KCNH5: variants seen among roughly 807,000 people sequenced by gnomAD.
The protein encoded by KCNH5 is voltage-gated delayed rectifier potassium channel KCNH5.
A neutral mutation model predicts 96.1 loss-of-function variants in KCNH5; 46 were observed. That is an observed-to-expected ratio of 0.48 (90% CI 0.38 to 0.61). The LOEUF is 0.61. KCNH5 is among the 20% of genes least tolerant of loss of function. The pLI is 0.00. For synonymous variants in KCNH5, 439 were observed against 449.8 expected, an observed-to-expected ratio of 0.98 and a Z score of 0.30; for missense variants, 907 against 1,225.8, an observed-to-expected ratio of 0.74 and a Z score of 3.88.
intron 7 of KCNH5, among the ~76,000 whole-genome samples, chr14:62,934,787 A>G (rs534801345): frequency 9.8e-5 from 15 of 152,308 alleles, no homozygotes; most frequent in South Asian, 8.3e-4. Context: ...CCCTCGAGAT[A>G]GCAAATGGTT....
At chr14:62,818,118 G>A (rs953700698) in intron 8 of KCNH5, among the ~76,000 whole-genome samples, 1 of 108,038 alleles carries the variant, frequency 9.3e-6, no homozygotes, top group Non-Finnish European at 1.9e-5. Context: ...GCGGGGGGGG[G>A]GTGGAAGAAA....
chr14:62,881,173 T>A (rs1256166711), intron 7 of KCNH5, among the ~76,000 whole-genome samples: 1 of 152,204 alleles, frequency 6.6e-6, no homozygotes, highest in East Asian at 1.9e-4. Context: ...TTACAGGTAG[T>A]CAATGATACC....
chr14:62,961,998 T>C (rs1453967707), intron 6 of KCNH5, among the ~76,000 whole-genome samples: 1 of 149,792 alleles, frequency 6.7e-6, no homozygotes, highest in African/African-American at 2.5e-5. Flanking sequence ...CAGATGCAGA[T>C]GGAGATGCAG....
chr14:62,854,020 AAAAAAAAC>A (rs1887880669), intron 7 of KCNH5, among the ~76,000 whole-genome samples: 6 of 109,262 alleles, frequency 5.5e-5, no homozygotes, highest in Admixed American at 9.8e-5. Context: ...AAAAAAAAAC[AAAAAAAAC>A]AAAAAAAACA....
chr14:62,896,165 G>A (rs1408949033), intron 7 of KCNH5, among the ~76,000 whole-genome samples: 2 of 152,158 alleles, frequency 1.3e-5, no homozygotes, highest in African/African-American at 4.8e-5. Flanking sequence ...AAAAGGAAAA[G>A]AGCAGCAGCA....
chr14:62,890,539 C>A (rs1374624697), intron 7 of KCNH5, among the ~76,000 whole-genome samples: 2 of 147,542 alleles, frequency 1.4e-5, no homozygotes, highest in Non-Finnish European at 1.5e-5. Context: ...ACTAAAAATA[C>A]AAAAAAAAAA....
intron 7 of KCNH5, among the ~76,000 whole-genome samples, chr14:62,915,779 CA>C (rs1343701503): frequency 6.6e-6 from 1 of 152,090 alleles, no homozygotes; most frequent in Non-Finnish European, 1.5e-5. Flanking sequence ...GCAGTACTAT[CA>C]AAGTATTGCA....
intron 7 of KCNH5, among the ~76,000 whole-genome samples, chr14:62,934,136 C>T (rs866696734): frequency 1.4e-5 from 2 of 141,446 alleles, no homozygotes; most frequent in South Asian, 2.2e-4. Context: ...TTCTTTCTTT[C>T]TTTTTTTTTT....
intron 7 of KCNH5, among the ~76,000 whole-genome samples, chr14:62,945,608 T>C (rs1017754621): frequency 1.3e-5 from 2 of 152,092 alleles, no homozygotes; most frequent in Non-Finnish European, 2.9e-5. Flanking sequence ...TACACGTGGG[T>C]TCGGATCGTG....
At chr14:62,878,358 T>TA (rs904458540) in intron 7 of KCNH5, among the ~76,000 whole-genome samples, 15 of 151,086 alleles carry the variant, frequency 9.9e-5, no homozygotes, top group East Asian at 3.9e-4. Context: ...AATAATAAAA[T>TA]AAAAAAAGAA....
At position 62,934,193 on chromosome 14, in the gene KCNH5, A is replaced by G. The variant is rs529837667; in HGVS notation, c.1369+15940T>C. 7.3e-5 allele frequency among the ~76,000 whole-genome samples: 11 copies of G among 150,010 alleles called. 1 individual carries two copies. In the East Asian group the frequency reaches 2.2e-3, roughly 29 times the overall value. On this transcript the variant is annotated intron_variant, in intron 7 of 10. Coordinates refer to ENST00000322893, the MANE Select transcript of KCNH5 (RefSeq NM_139318.5). ...GTCACCCAGGCTGGAGTGCAGTGGC[A>G]TGATCTCACTGCAACCTCCGCCTCC...
chr14:62,969,757 A>ATTTTTT (rs779644836), intron 6 of KCNH5, among the ~76,000 whole-genome samples: 7 of 113,906 alleles, frequency 6.1e-5, no homozygotes, highest in African/African-American at 1.4e-4. Context: ...AATAAAATTA[A>ATTTTTT]TTTTTTTTTT....
chr14:62,987,181 G>C lies in KCNH5; in HGVS notation c.440C>G (p.Thr147Arg). ...AGCCCGTGTCAATCGGGCAAATTTC[G>C]TCCAACCTTAAAAATAAGGAAAGAA... Reference protein sequence around the residue: ...PIEDDSTKGWTKFARLTRALT... With the variant: ...PIEDDSTKGWRKFARLTRALT... The change falls in exon 5 of 11, where the codon ACG (threonine) becomes AGG (arginine). Residue 147 changes from threonine to arginine, a missense_variant. Thr to Arg is a moderately conservative substitution (Grantham distance 71, BLOSUM62 -1). Transcript: ENST00000322893. 1 of 1,611,938 alleles carries C rather than the reference G, an allele frequency of 6.2e-7. No homozygotes were observed. The highest frequency in any genetic ancestry group is 8.5e-7 in the Non-Finnish European group (1 of 1,178,318).
chr14:62,865,247 T>C (rs2140060519), intron 7 of KCNH5, among the ~76,000 whole-genome samples: 1 of 151,954 alleles, frequency 6.6e-6, no homozygotes, highest in East Asian at 1.9e-4. Context: ...CTGTATTCCC[T>C]GCCACTGTGT....
intron 7 of KCNH5, among the ~76,000 whole-genome samples, chr14:62,912,436 C>A (rs533867449): frequency 4.3e-4 from 65 of 150,094 alleles, no homozygotes; most frequent in African/African-American, 1.5e-3. Flanking sequence ...GACGGAGTTT[C>A]GCTTTTTTCG....
chr14:63,033,513 A>T (rs1891667289), intron 1 of KCNH5, among the ~76,000 whole-genome samples: 1 of 151,722 alleles, frequency 6.6e-6, no homozygotes, highest in Non-Finnish European at 1.5e-5. Context: ...CGATCATCAA[A>T]CCCTCCCCTT....
At chr14:62,777,689 G>C (rs1029725319) in intron 10 of KCNH5, among the ~76,000 whole-genome samples, 8 of 152,180 alleles carry the variant, frequency 5.3e-5, no homozygotes, top group African/African-American at 1.7e-4. Context: ...AAAGCCGCTT[G>C]GTGTTACTCA....
At chr14:63,015,645 C>T (rs111289300) in intron 2 of KCNH5, among the ~76,000 whole-genome samples, 22 of 152,022 alleles carry the variant, frequency 1.4e-4, no homozygotes, top group African/African-American at 5.1e-4. Flanking sequence ...GGGAGAGAGT[C>T]ATACACAGGG....
chr14:63,009,575 T>C lies in KCNH5; in HGVS notation c.198-3103A>G, dbSNP rs112418293. Among the ~76,000 whole-genome samples, 320 of 152,318 alleles carry C rather than the reference T, an allele frequency of 2.1e-3. 4 individuals are homozygous for C. The highest frequency in any genetic ancestry group is 7.5e-3 in the African/African-American group (313 of 41,560). On this transcript the variant is annotated intron_variant, in intron 2 of 10. Transcript: ENST00000322893. ...AACATGTATTTGAAGGGGTGACATG[T>C]AGCAGTTAAATAATAAGAGGTATTT...
Sources: gnomAD v4.1 joint callset for allele counts (sites outside exome capture counted in the v4.1 genomes callset) on GRCh38, gnomAD v4.1.1 for gene constraint, MANE v1.5 for transcripts, NCBI Gene and HGNC (gene_info 2026-07-23, HGNC 2026-07-21) for gene names.